Variants in LZTS1 observed in about 807,000 individuals in gnomAD.
LZTS1 encodes leucine zipper putative tumor suppressor 1.
A neutral mutation model predicts 45.8 loss-of-function variants in LZTS1; 31 were observed. The observed-to-expected ratio is 0.68, with a 90% CI of 0.51 to 0.91. LZTS1 has a LOEUF of 0.91. Ranked by LOEUF, LZTS1 falls within the 40% of genes least tolerant of loss-of-function variation. The pLI is 0.00. For missense variants in LZTS1, 821 were observed against 788.9 expected, an observed-to-expected ratio of 1.04 and a Z score of -0.49; for synonymous variants, 359 against 357.3, an observed-to-expected ratio of 1.00 and a Z score of -0.05.
rs761059009 is a variant in LZTS1 at position 20,250,017 on chromosome 8, G to A, written c.1496C>T (p.Ala499Val). Reference sequence around the variant, plus strand: ...CAGCCGCTCCAGCTCCCGCTGCAGGGCAGGGACGTCCTCGGGGAAGGTGGG... The same window carrying A: ...CAGCCGCTCCAGCTCCCGCTGCAGGACAGGGACGTCCTCGGGGAAGGTGGG... The part of the protein sequence containing the change: ...GPPTFPEDVP[A>V]LQRELERLRA... Residue 499 changes from alanine (A) to valine (V), a missense_variant, in exon 4 of 4, where the codon GCC becomes GTC. Ala to Val is a moderately conservative substitution (Grantham distance 64). Transcript: ENST00000381569. 8.7e-6 allele frequency: 14 copies of A among 1,612,150 alleles called. No individual in the cohort carries two copies. In the East Asian group the frequency reaches 2.2e-4, roughly 26 times the overall value.
At chr8:20,276,810 G>C (rs1463957010) in intron 1 of LZTS1, among the ~76,000 whole-genome samples, 4 of 152,202 alleles carry the variant, frequency 2.6e-5, no homozygotes, top group Non-Finnish European at 5.9e-5. Flanking sequence ...TTGTTTTCTT[G>C]TTGGTTGGGA....
chr8:20,294,340 G>A (rs114528061), intron 1 of LZTS1, among the ~76,000 whole-genome samples: 1,615 of 152,342 alleles, frequency 0.011, 27 homozygotes, highest in African/African-American at 0.036. Flanking sequence ...GAATAGCCAC[G>A]CATCCTGCCC....
chr8:20,279,702 A>AG (rs1563887096), intron 1 of LZTS1, among the ~76,000 whole-genome samples: 2 of 150,504 alleles, frequency 1.3e-5, no homozygotes, highest in African/African-American at 2.4e-5. Flanking sequence ...AAAAAAAAAA[A>AG]GAGGCTGAGC....
chr8:20,254,744 C>G (rs1463063619), intron 2 of LZTS1, 93 bp downstream of exon 2: 1 of 1,079,184 alleles, frequency 9.3e-7, no homozygotes, highest in Non-Finnish European at 1.3e-6. Flanking sequence ...ATGCTCAGGT[C>G]ACCACTCCCC....
chr8:20,273,632 C>T (rs1327470241), intron 1 of LZTS1, among the ~76,000 whole-genome samples: 1 of 152,128 alleles, frequency 6.6e-6, no homozygotes, highest in African/African-American at 2.4e-5. Flanking sequence ...CCCACTCAGC[C>T]CTCACCCTAC....
chr8:20,271,136 T>C (rs1035789631), intron 1 of LZTS1, among the ~76,000 whole-genome samples: 1 of 152,144 alleles, frequency 6.6e-6, no homozygotes, highest in African/African-American at 2.4e-5. Flanking sequence ...AACGAGTCTC[T>C]ACCTGTCCTG....
chr8:20,255,428 G>T lies in LZTS1; in HGVS notation c.-134-113C>A, dbSNP rs546165479. 9 of 653,632 alleles carry T rather than the reference G, an allele frequency of 1.4e-5. No homozygotes were observed. The South Asian group carries it at 2.1e-4, about 15-fold the overall frequency. The allele number at this position is 653,632 out of a possible 1,614,324, so 40.5% of individuals were successfully genotyped here. ...GAAACACATGTCAGAGCCCAGCACT[G>T]TCTCCACCACCGGGTGCTCCGTTCC... is the stretch of plus-strand genomic sequence containing the variant. On this transcript the variant is annotated intron_variant, in intron 1 of 3. Transcript: ENST00000381569.
chr8:20,257,607 G>C (rs973333105), intron 1 of LZTS1, among the ~76,000 whole-genome samples: 2 of 151,830 alleles, frequency 1.3e-5, no homozygotes, highest in Non-Finnish European at 2.9e-5. Context: ...TGACATGGAA[G>C]GTAAACTGTT....
At chr8:20,287,453 G>A (rs925782125) in intron 1 of LZTS1, among the ~76,000 whole-genome samples, 8 of 152,152 alleles carry the variant, frequency 5.3e-5, no homozygotes, top group Non-Finnish European at 1.0e-4. Flanking sequence ...TCGTTCTTTC[G>A]CTCCCACCCT....
At chr8:20,257,696 G>A (rs1800138920) in intron 1 of LZTS1, among the ~76,000 whole-genome samples, 2 of 138,738 alleles carry the variant, frequency 1.4e-5, no homozygotes, top group African/African-American at 5.4e-5. Flanking sequence ...TTGAGATAGA[G>A]TCTCACTCTG....
At position 20,248,744 on chromosome 8, in the gene LZTS1, A is replaced by C. The variant is rs1799802425; in HGVS notation, c.*978T>G. 1 of 152,064 alleles carries C rather than the reference A, an allele frequency of 6.6e-6. No individual in the cohort carries two copies. The highest frequency in any genetic ancestry group is 1.5e-5 in the Non-Finnish European group (1 of 67,998). The allele number at this position is 152,064 out of a possible 1,614,324, so 9.4% of individuals were successfully genotyped here. ...ATCTTAGTGATATGGGCTCTTCTGG[A>C]TCAAGCAAAAGCTTGATTCTGGGGA... is the stretch of plus-strand genomic sequence containing the variant. On this transcript the variant is annotated 3_prime_UTR_variant, in exon 4 of 4. Transcript: ENST00000381569.
At position 20,250,375 on chromosome 8, in the gene LZTS1, G is replaced by A. The variant is rs1356549203; in HGVS notation, c.1150-12C>T. 6.3e-7 allele frequency: 1 copy of A among 1,581,654 alleles called. No individual in the cohort carries two copies. The highest frequency in any genetic ancestry group is 1.2e-5 in the South Asian group (1 of 86,104). On this transcript the variant is annotated splice_polypyrimidine_tract_variant and intron_variant, in intron 3 of 3. Transcript: ENST00000381569. ...GACTTCTGGCACACCTGCCGAGGGTGGGGTGGAGACAGAGTGCCAAGAGGT... is the reference window on the plus strand; with the variant it reads ...GACTTCTGGCACACCTGCCGAGGGTAGGGTGGAGACAGAGTGCCAAGAGGT...
intron 1 of LZTS1, among the ~76,000 whole-genome samples, chr8:20,259,819 C>G (rs1585282880): frequency 6.6e-6 from 1 of 152,184 alleles, no homozygotes; most frequent in Non-Finnish European, 1.5e-5. Flanking sequence ...CCTTGCATCC[C>G]TCCCCGATTA....
intron 1 of LZTS1, among the ~76,000 whole-genome samples, chr8:20,277,833 G>A (rs1208775098): frequency 6.6e-6 from 1 of 152,188 alleles, no homozygotes; most frequent in African/African-American, 2.4e-5. Flanking sequence ...GACTTGCTGT[G>A]TCTAATGCCA....
chr8:20,301,823 C>G (rs1255971179), intron 1 of LZTS1, among the ~76,000 whole-genome samples: 1 of 152,114 alleles, frequency 6.6e-6, no homozygotes, highest in Non-Finnish European at 1.5e-5. Flanking sequence ...GGGGCACCTC[C>G]TGCAGATACA....
At chr8:20,256,449 GA>G (rs1800105632) in intron 1 of LZTS1, among the ~76,000 whole-genome samples, 1 of 152,146 alleles carries the variant, frequency 6.6e-6, no homozygotes, top group Non-Finnish European at 1.5e-5. Flanking sequence ...GGAGACGGGG[GA>G]TAGAAGTGGT....
intron 1 of LZTS1, among the ~76,000 whole-genome samples, chr8:20,287,647 C>A (rs1393578798): frequency 1.3e-5 from 2 of 152,046 alleles, no homozygotes; most frequent in Non-Finnish European, 2.9e-5. Context: ...CTGCCCGGGA[C>A]CAGGCATGGT....
intron 3 of LZTS1, among the ~76,000 whole-genome samples, chr8:20,251,428 T>A (rs1197356889): frequency 6.6e-6 from 1 of 152,064 alleles, no homozygotes; most frequent in African/African-American, 2.4e-5. Flanking sequence ...GGGAAATTTC[T>A]ACTGTGAAAG....
chr8:20,275,942 G>C (rs1035946385), intron 1 of LZTS1: 13 of 152,226 alleles, frequency 8.5e-5, no homozygotes, highest in African/African-American at 2.9e-4. Context: ...TTTCAACATG[G>C]GTAGAAGAAA....
Sources: gnomAD v4.1 joint callset for allele counts (sites outside exome capture counted in the v4.1 genomes callset) on GRCh38, gnomAD v4.1.1 for gene constraint, MANE v1.5 for transcripts, NCBI Gene and HGNC (gene_info 2026-07-23, HGNC 2026-07-21) for gene names.